ANKRD6: variants seen among roughly 807,000 people sequenced by gnomAD.
The protein encoded by ANKRD6 is ankyrin repeat domain 6.
Under a neutral mutation model 82.3 loss-of-function variants are expected in ANKRD6, and 56 were observed. The ratio of observed to expected loss-of-function variants is 0.68; its 90% CI spans 0.55 to 0.85. ANKRD6 has a LOEUF of 0.85. Ranked by LOEUF, ANKRD6 falls within the 40% of genes least tolerant of loss-of-function variation. ANKRD6 has a pLI of 0.00. For missense variants in ANKRD6, 852 were observed against 907.6 expected (o/e 0.94, Z 0.79); for synonymous variants, 347 against 352.1 (o/e 0.99, Z 0.16).
intron 4 of ANKRD6, among the ~76,000 whole-genome samples, chr6:89,605,078 T>G (rs1798191903): frequency 6.6e-6 from 1 of 150,406 alleles, no homozygotes; most frequent in South Asian, 2.1e-4. Context: ...GTTCATTAAA[T>G]GACTTCTATT....
intron 1 of ANKRD6, among the ~76,000 whole-genome samples, chr6:89,520,819 G>T (rs1781798494): frequency 6.6e-6 from 1 of 152,170 alleles, no homozygotes; most frequent in Non-Finnish European, 1.5e-5. Flanking sequence ...CATTTGTCTT[G>T]GGCTGGGCAT....
intron 2 of ANKRD6, among the ~76,000 whole-genome samples, chr6:89,573,104 G>T (rs931234125): frequency 1.8e-4 from 27 of 151,996 alleles, no homozygotes; most frequent in Admixed American, 2.0e-4. Flanking sequence ...GGGACTACAG[G>T]CATGTGTGCC....
chr6:89,471,034 C>T lies in ANKRD6; in HGVS notation c.-144+37659C>T, dbSNP rs772133551. ...GTTTGAAAATCATTGTGTAAGTTAA[C>T]GCCTGTGTGTGTGTGCACGTGCACA... On this transcript the variant is annotated intron_variant, in intron 1 of 15. Coordinates refer to ENST00000339746, the MANE Select transcript of ANKRD6 (RefSeq NM_001242809.2). Among the ~76,000 whole-genome samples, 43 of 151,918 alleles carry T rather than the reference C, an allele frequency of 2.8e-4. 1 individual carries two copies. Among genetic ancestry groups the T allele is most frequent in the Non-Finnish European group, 3.1e-4 (21 of 67,992 alleles).
At chr6:89,545,051 A>G (rs939083288) in intron 1 of ANKRD6, among the ~76,000 whole-genome samples, 13 of 151,776 alleles carry the variant, frequency 8.6e-5, no homozygotes, top group African/African-American at 2.9e-4. Flanking sequence ...GTCTCTACTA[A>G]AAATATAAAA....
At chr6:89,439,092 G>T (rs1388126304) in intron 1 of ANKRD6, among the ~76,000 whole-genome samples, 1 of 152,122 alleles carries the variant, frequency 6.6e-6, no homozygotes, top group East Asian at 1.9e-4. Flanking sequence ...TATCATAATT[G>T]CCATGTGAGC....
chr6:89,538,439 G>GT (rs1269600382), intron 1 of ANKRD6, among the ~76,000 whole-genome samples: 3 of 152,198 alleles, frequency 2.0e-5, no homozygotes, highest in Non-Finnish European at 4.4e-5. Context: ...TAAATTGTAT[G>GT]TATGGGGATA....
chr6:89,572,768 G>A (rs1311195103), intron 2 of ANKRD6, among the ~76,000 whole-genome samples: 1 of 152,110 alleles, frequency 6.6e-6, no homozygotes. Flanking sequence ...ATTTGTTGAG[G>A]AGACTATCCT....
chr6:89,534,331 A>G (rs1423271490), intron 1 of ANKRD6, among the ~76,000 whole-genome samples: 2 of 152,196 alleles, frequency 1.3e-5, no homozygotes, highest in Non-Finnish European at 2.9e-5. Flanking sequence ...TAAAGCCTAT[A>G]ATTACCCTGC....
intron 1 of ANKRD6, chr6:89,483,656 T>A (rs1044691921): frequency 6.6e-6 from 1 of 152,282 alleles, no homozygotes; most frequent in Non-Finnish European, 1.5e-5. Flanking sequence ...CTCTTTGGAA[T>A]GCGCTCTTTT....
At chr6:89,482,732 T>TAA (rs1776951243) in intron 1 of ANKRD6, among the ~76,000 whole-genome samples, 1 of 152,190 alleles carries the variant, frequency 6.6e-6, no homozygotes, top group African/African-American at 2.4e-5. Context: ...CCAGAATAAA[T>TAA]CTACTCTTTG....
chr6:89,572,722 C>CT (rs1443278602), intron 2 of ANKRD6, among the ~76,000 whole-genome samples: 1 of 152,056 alleles, frequency 6.6e-6, no homozygotes, highest in African/African-American at 2.4e-5. Flanking sequence ...TCCATCTTTA[C>CT]TTTTTTGCAT....
intron 1 of ANKRD6, among the ~76,000 whole-genome samples, chr6:89,450,131 G>A (rs755909975): frequency 4.6e-5 from 7 of 152,164 alleles, no homozygotes; most frequent in African/African-American, 7.2e-5. Context: ...GAGGTCAGGA[G>A]ATCCAGACCA....
chr6:89,597,426 C>G (rs1796151292), intron 3 of ANKRD6, among the ~76,000 whole-genome samples: 1 of 152,172 alleles, frequency 6.6e-6, no homozygotes, highest in Non-Finnish European at 1.5e-5. Context: ...TGCATTTGGT[C>G]TTCTCTTCGC....
rs77967123 is a variant in ANKRD6, at chr6:89,554,419, G to A, written c.-143-12415G>A. On this transcript the variant is annotated intron_variant, in intron 1 of 15. Transcript: ENST00000339746. ...GTGACTACCCACCCAGATAATCCAG[G>A]ACATCAACGGATTAACTTAATCACG... Among the ~76,000 whole-genome samples, 490 of 147,886 alleles carry A rather than the reference G, an allele frequency of 3.3e-3. 20 individuals carry two copies. In the East Asian group the frequency reaches 0.08, roughly 24 times the overall value.
intron 1 of ANKRD6, among the ~76,000 whole-genome samples, chr6:89,523,101 A>C (rs1782069118): frequency 6.6e-6 from 1 of 152,116 alleles, no homozygotes; most frequent in African/African-American, 2.4e-5. Flanking sequence ...TTTTATTCTC[A>C]CTTAACAAGT....
chr6:89,523,902 T>C (rs1200472951), intron 1 of ANKRD6, among the ~76,000 whole-genome samples: 3 of 152,158 alleles, frequency 2.0e-5, no homozygotes, highest in African/African-American at 7.2e-5. Context: ...CAGCAAATTC[T>C]CTGCCTCCAT....
intron 9 of ANKRD6, among the ~76,000 whole-genome samples, chr6:89,620,583 G>A (rs958141476): frequency 6.6e-6 from 1 of 152,008 alleles, no homozygotes; most frequent in African/African-American, 2.4e-5. Flanking sequence ...TAACTATTAC[G>A]GACCAGAGAT....
At chr6:89,547,598 C>G (rs111560848) in intron 1 of ANKRD6, among the ~76,000 whole-genome samples, 3,074 of 152,206 alleles carry the variant, frequency 0.02, 64 homozygotes, top group Non-Finnish European at 0.03. Context: ...CTTGCCATCC[C>G]CTCAGTATTA....
chr6:89,559,688 G>A (rs180848183), intron 1 of ANKRD6, among the ~76,000 whole-genome samples: 29 of 152,288 alleles, frequency 1.9e-4, no homozygotes, highest in Admixed American at 6.5e-4. Flanking sequence ...CAGAGTGGCC[G>A]TGGTGCTGTC....
Sources: allele counts gnomAD v4.1 joint callset (sites outside exome capture counted in the v4.1 genomes callset), GRCh38; gene constraint gnomAD v4.1.1; transcripts MANE v1.5; gene names NCBI Gene and HGNC (gene_info 2026-07-23, HGNC 2026-07-21).